The following HDAC2 variants were observed in gnomAD, a reference collection of about 807,000 sequenced individuals.
HDAC2 encodes the protein histone deacetylase 2.
In HDAC2, 5 loss-of-function variants were observed where a neutral mutation model predicts 68.5. The observed-to-expected ratio is 0.07, with a 90% CI of 0.04 to 0.15. The LOEUF (loss-of-function observed/expected upper bound fraction) is 0.15. Among genes scored for constraint, HDAC2 ranks in the 10% least tolerant of loss-of-function variants. The probability of loss-of-function intolerance (pLI) is 1.00; values close to 1 mark genes in which losing one functional copy is unlikely to be tolerated. For synonymous variants in HDAC2, 182 were observed against 191.3 expected, an observed-to-expected ratio of 0.95 and a Z score of 0.40; for missense variants, 291 against 600.8, an observed-to-expected ratio of 0.48 and a Z score of 5.39.
chr6:113,954,763 T>C (rs1776507572), intron 5 of HDAC2, among the ~76,000 whole-genome samples: 1 of 152,214 alleles, frequency 6.6e-6, no homozygotes, highest in African/African-American at 2.4e-5. Context: ...ATGGATAGCA[T>C]GCATGGAATA....
chr6:113,970,714 G>A (rs1002338050), intron 1 of HDAC2, 143 bp downstream of exon 1: 2 of 1,394,106 alleles, frequency 1.4e-6, no homozygotes, highest in Non-Finnish European at 1.8e-6. Context: ...TAACTGTGCC[G>A]GGCCGGGAAC....
Position 113,971,086 on chromosome 6 carries a change from C to T in HDAC2, c.-178G>A, listed in dbSNP as rs367602715. On this transcript the variant is annotated 5_prime_UTR_variant, in exon 1 of 14. In the 5' UTR this introduces an upstream ATG that the reference lacks. Coordinates refer to ENST00000519065, the MANE Select transcript of HDAC2 (RefSeq NM_001527.4). ...GGGGCGCCGGGAAGGCTCGGTACCA[C>T]CCGGCAGAGGTGCCGAAAGCTCGGA... 1.9e-6 allele frequency: 3 copies of T among 1,551,102 alleles called. No homozygotes were observed. Among genetic ancestry groups the T allele is most frequent in the Non-Finnish European group, 8.7e-7 (1 of 1,146,524 alleles).
chr6:113,955,399 G>C (rs1249563263), intron 5 of HDAC2, among the ~76,000 whole-genome samples: 2 of 151,874 alleles, frequency 1.3e-5, no homozygotes, highest in Admixed American at 6.6e-5. Flanking sequence ...TTTTTAGTAG[G>C]ATGGGGTTTC....
intron 1 of HDAC2, among the ~76,000 whole-genome samples, chr6:113,969,176 C>T (rs553743513): frequency 1.3e-5 from 2 of 152,304 alleles, no homozygotes; most frequent in South Asian, 4.1e-4. Flanking sequence ...ATTTCCATCT[C>T]CACCCCTCCA....
chr6:113,963,521 C>T (rs542310534), intron 1 of HDAC2, among the ~76,000 whole-genome samples: 1 of 152,282 alleles, frequency 6.6e-6, no homozygotes, highest in African/African-American at 2.4e-5. Flanking sequence ...CAGATTATCC[C>T]TAATCCAAAA....
intron 1 of HDAC2, chr6:113,970,401 G>A: frequency 1.0e-6 from 1 of 968,132 alleles, no homozygotes; most frequent in South Asian, 4.5e-5. Context: ...GCTTTGTGTA[G>A]AGTCAAGGCC....
intron 6 of HDAC2, 174 bp from the exon 7 acceptor site, chr6:113,949,434 A>AT: frequency 3.3e-6 from 2 of 604,306 alleles, no homozygotes; most frequent in South Asian, 4.2e-5. Flanking sequence ...TAAACAACAA[A>AT]TAAGTATATG....
At chr6:113,960,120 C>A in intron 1 of HDAC2, 102 bp from the exon 2 acceptor site, 1 of 692,774 alleles carries the variant, frequency 1.4e-6, no homozygotes, top group Non-Finnish European at 2.6e-6. Flanking sequence ...TACTACTTAA[C>A]AAAATTTATT....
intron 5 of HDAC2, among the ~76,000 whole-genome samples, chr6:113,953,712 T>C (rs1209742196): frequency 6.6e-6 from 1 of 152,226 alleles, no homozygotes; most frequent in African/African-American, 2.4e-5. Flanking sequence ...AAACTGAAGA[T>C]TATACCATAC....
chr6:113,934,123 A>G lies in HDAC2; in HGVS notation c.*6935T>C, dbSNP rs1775948264. 1 of 152,184 alleles carries G rather than the reference A, an allele frequency of 6.6e-6. No homozygotes were observed. Among genetic ancestry groups the G allele is most frequent in the African/African-American group, 2.4e-5 (1 of 41,448 alleles). The allele number at this position is 152,184 out of a possible 1,614,324, so 9.4% of individuals were successfully genotyped here. A position where few individuals can be genotyped will look rare whatever the true frequency, so the allele number is the denominator to read the frequency against. Reference sequence around the variant, plus strand: ...ATCCTATTCAACAACCAAGAAATAGATTTCATACCTATTACACATAAAGAT... The same window carrying G: ...ATCCTATTCAACAACCAAGAAATAGGTTTCATACCTATTACACATAAAGAT... On this transcript the variant is annotated 3_prime_UTR_variant, in exon 14 of 14. Transcript: ENST00000519065.
chr6:113,940,923 G>A lies in HDAC2; in HGVS notation c.*135C>T, dbSNP rs548487599. The A allele has an allele frequency of 3.4e-5, 20 of 585,876 alleles. No individual in the cohort carries two copies. The East Asian group carries it at 5.0e-4, about 15-fold the overall frequency. The allele number at this position is 585,876 out of a possible 1,614,324, so 36.3% of individuals were successfully genotyped here. On this transcript the variant is annotated 3_prime_UTR_variant, in exon 14 of 14. Transcript: ENST00000519065. The stretch of plus-strand genomic sequence containing the variant: ...AAAACTTGCCAAGAAAAACAAAAAC[G>A]AAAAAGCCATTTGAAAATAAATACA...
chr6:113,971,055 G>A lies in HDAC2; in HGVS notation c.-147C>T. 1 of 1,563,022 alleles carries A rather than the reference G, an allele frequency of 6.4e-7. No homozygotes were observed. On this transcript the variant is annotated 5_prime_UTR_variant, in exon 1 of 14. Coordinates refer to ENST00000519065, the MANE Select transcript of HDAC2 (RefSeq NM_001527.4). ...GGGGAAGGGCAGGCCGGTGGGAGGA[G>A]AGGAGGGGGCGCCGGGAAGGCTCGG...
At chr6:113,947,295 A>G (rs1419466735) in intron 8 of HDAC2, 1 of 152,178 alleles carries the variant, frequency 6.6e-6, no homozygotes, top group South Asian at 2.1e-4. Flanking sequence ...CAAAATTTGT[A>G]AAAATGAAGA....
chr6:113,961,463 G>A (rs889386639), intron 1 of HDAC2, among the ~76,000 whole-genome samples: 1 of 152,138 alleles, frequency 6.6e-6, no homozygotes, highest in African/African-American at 2.4e-5. Context: ...CTTTTAAAGG[G>A]AAAGCCACCT....
intron 1 of HDAC2, 62 bp from the exon 2 acceptor site, chr6:113,960,080 A>G (rs1406395044): frequency 1.2e-6 from 1 of 817,712 alleles, no homozygotes; most frequent in Non-Finnish European, 2.1e-6. Flanking sequence ...AACTATTTGA[A>G]TTTATGTATG....
At chr6:113,967,007 T>C (rs976480025) in intron 1 of HDAC2, among the ~76,000 whole-genome samples, 1 of 152,182 alleles carries the variant, frequency 6.6e-6, no homozygotes, top group African/African-American at 2.4e-5. Context: ...ACCCATGTAG[T>C]TGTATTAAAG....
In HDAC2 at chr6:113,959,947, A is replaced by G. The variant is rs1428830285; in HGVS notation, c.124T>C (p.Leu42=). 6.3e-7 allele frequency: 1 copy of G among 1,583,136 alleles called. No homozygotes were observed. Residue 42 remains leucine (L), a synonymous_variant, in exon 2 of 14, where the codon TTG becomes CTG. Transcript: ENST00000519065. ...CTGTATAAGCCATAATTTAACAGCAAGTTATGGGTCATGCGGATTCTATGA... is the reference window on the plus strand; with the variant it reads ...CTGTATAAGCCATAATTTAACAGCAGGTTATGGGTCATGCGGATTCTATGA... The part of the protein sequence containing the change: ...KPHRIRMTHN[L]LLNYGLYRKM...
At chr6:113,970,820 C>T in intron 1 of HDAC2, 37 bp downstream of exon 1, 1 of 1,518,644 alleles carries the variant, frequency 6.6e-7, no homozygotes. Flanking sequence ...AGCGCCCGGC[C>T]CCGCGCGCCC....
chr6:113,945,425 T>C lies in HDAC2; in HGVS notation c.1028A>G (p.Lys343Arg). The C allele has an allele frequency of 6.4e-7, 1 of 1,572,158 alleles. No individual in the cohort carries two copies. Among genetic ancestry groups the C allele is most frequent in the Non-Finnish European group, 8.8e-7 (1 of 1,142,172 alleles). ...CATGTTTGAAGGACTAATATGCAGT[T>C]TGAAGTCTGGTCCAAAATACTCAAA... ...DYFEYFGPDF[K>R]LHISPSNMTN... The change falls in exon 10 of 14, where the codon AAA becomes AGA. Residue 343 changes from lysine to arginine, a missense_variant. Lys to Arg is a conservative substitution (Grantham distance 26). This residue lies in a region of HDAC2 where 154 missense variants were observed against 472.1 expected (regional missense o/e 0.33). Transcript: ENST00000519065.
Sources: gnomAD v4.1 joint callset for allele counts (sites outside exome capture counted in the v4.1 genomes callset) on GRCh38, gnomAD v4.1.1 for gene constraint, gnomAD v4.1.1 regional missense constraint, MANE v1.5 for transcripts, NCBI Gene and HGNC (gene_info 2026-07-23, HGNC 2026-07-21) for gene names.